Variants in RCAN2 observed in about 807,000 individuals in gnomAD.
RCAN2 encodes the protein regulator of calcineurin 2.
In RCAN2, 9 loss-of-function variants were observed where a neutral mutation model predicts 23.6. The observed-to-expected ratio is 0.38, with a 90% CI of 0.23 to 0.67. The LOEUF (loss-of-function observed/expected upper bound fraction) is 0.67, where lower values mean the gene tolerates loss of function less well. RCAN2 is among the 30% of genes least tolerant of loss of function. The pLI is 0.51. For missense variants in RCAN2, 273 were observed against 302.3 expected (o/e 0.90, Z 0.72); for synonymous variants, 109 against 115.7 (o/e 0.94, Z 0.37).
intron 2 of RCAN2, among the ~76,000 whole-genome samples, chr6:46,334,942 T>G (rs745812405): frequency 6.6e-6 from 1 of 150,404 alleles, no homozygotes; most frequent in Non-Finnish European, 1.5e-5. Flanking sequence ...GGCAGTACCA[T>G]GTTTAAGAAG....
chr6:46,256,151 C>T (rs1289343026), intron 2 of RCAN2, among the ~76,000 whole-genome samples: 2 of 152,006 alleles, frequency 1.3e-5, no homozygotes, highest in African/African-American at 4.8e-5. Context: ...AGGAGGATCG[C>T]CTGGGGTCAG....
intron 2 of RCAN2, among the ~76,000 whole-genome samples, chr6:46,349,474 C>A (rs995282744): frequency 9.9e-5 from 15 of 151,904 alleles, no homozygotes; most frequent in African/African-American, 3.6e-4. Flanking sequence ...GGGTTTGAAA[C>A]CTAAATGACA....
chr6:46,306,752 T>C (rs1231285710), intron 2 of RCAN2, among the ~76,000 whole-genome samples: 2 of 152,152 alleles, frequency 1.3e-5, no homozygotes, highest in African/African-American at 2.4e-5. Flanking sequence ...CTTAAGTCTT[T>C]GCTCAAATGC....
intron 2 of RCAN2, among the ~76,000 whole-genome samples, chr6:46,369,153 CAAT>C (rs1050255000): frequency 2.6e-5 from 4 of 152,080 alleles, no homozygotes; most frequent in African/African-American, 9.7e-5. Flanking sequence ...TCAGAATCAT[CAAT>C]ATCACTGTCT....
intron 4 of RCAN2, among the ~76,000 whole-genome samples, chr6:46,226,091 G>T (rs941169330): frequency 6.6e-6 from 1 of 152,114 alleles, no homozygotes; most frequent in Admixed American, 6.5e-5. Context: ...GGATCAGATG[G>T]TTGTAGATAT....
intron 2 of RCAN2, among the ~76,000 whole-genome samples, chr6:46,251,577 G>A (rs531253570): frequency 1.3e-5 from 2 of 152,212 alleles, no homozygotes; most frequent in Non-Finnish European, 1.5e-5. Flanking sequence ...GCTTTTGAAA[G>A]CGAGGTGCTT....
intron 4 of RCAN2, among the ~76,000 whole-genome samples, chr6:46,231,339 C>T (rs564066250): frequency 6.6e-6 from 1 of 152,058 alleles, no homozygotes; most frequent in South Asian, 2.1e-4. Context: ...CTGTGTACAC[C>T]TTGACTTGAA....
intron 2 of RCAN2, among the ~76,000 whole-genome samples, chr6:46,385,387 A>C (rs746595278): frequency 2.0e-5 from 3 of 152,222 alleles, no homozygotes; most frequent in Non-Finnish European, 4.4e-5. Context: ...TTCAGGCTAG[A>C]AGGGGCAGAG....
At position 46,371,879 on chromosome 6, in the gene RCAN2, A is replaced by T. The variant is rs968637949; in HGVS notation, c.225+84873T>A. 2.0e-5 allele frequency among the ~76,000 whole-genome samples: 3 copies of T among 152,312 alleles called. No homozygotes were observed. In the South Asian group the frequency reaches 6.2e-4, roughly 32 times the overall value. On this transcript the variant is annotated intron_variant, in intron 2 of 4. Coordinates refer to ENST00000371374, the MANE Select transcript of RCAN2 (RefSeq NM_001251974.2). ...GTTTAAAGTTGTTCCTCTTTTTATA[A>T]CCACAGTTCTTGTACAAATAACATT...
chr6:46,241,790 T>C (rs1766315926), intron 4 of RCAN2, among the ~76,000 whole-genome samples: 1 of 152,216 alleles, frequency 6.6e-6, no homozygotes, highest in Non-Finnish European at 1.5e-5. Context: ...CCCAGCTGTA[T>C]AATTGAGGAC....
intron 1 of RCAN2, among the ~76,000 whole-genome samples, 177 bp downstream of exon 1, chr6:46,490,996 C>T (rs1274916174): frequency 7.6e-6 from 1 of 131,732 alleles, no homozygotes; most frequent in Non-Finnish European, 1.8e-5. Flanking sequence ...CCCACCCCCG[C>T]CACTGCCCCC....
chr6:46,290,219 G>A (rs1330554587), intron 2 of RCAN2, among the ~76,000 whole-genome samples: 1 of 152,076 alleles, frequency 6.6e-6, no homozygotes, highest in African/African-American at 2.4e-5. Flanking sequence ...CCCAATACAG[G>A]ATTTTATCCA....
chr6:46,240,764 T>C (rs1161995285), intron 4 of RCAN2, among the ~76,000 whole-genome samples: 6 of 152,222 alleles, frequency 3.9e-5, no homozygotes, highest in Non-Finnish European at 8.8e-5. Flanking sequence ...GTTTCTTTAG[T>C]ATAGGTTACA....
chr6:46,400,024 TG>T (rs949961426), intron 2 of RCAN2, among the ~76,000 whole-genome samples: 4 of 152,128 alleles, frequency 2.6e-5, no homozygotes, highest in Non-Finnish European at 5.9e-5. Context: ...CATAAGACCA[TG>T]GAAAACCAGA....
intron 2 of RCAN2, among the ~76,000 whole-genome samples, chr6:46,377,572 T>C (rs1765512075): frequency 6.6e-6 from 1 of 152,216 alleles, no homozygotes; most frequent in South Asian, 2.1e-4. Flanking sequence ...TGGCAGACAC[T>C]GGCTAACAGA....
chr6:46,238,414 GGT>G (rs1766183585), intron 4 of RCAN2, among the ~76,000 whole-genome samples: 2 of 152,086 alleles, frequency 1.3e-5, no homozygotes, highest in African/African-American at 4.8e-5. Context: ...TTTGTCATAT[GGT>G]GTGGGTGGAT....
chr6:46,416,784 A>G (rs1013422354), intron 2 of RCAN2, among the ~76,000 whole-genome samples: 1 of 152,126 alleles, frequency 6.6e-6, no homozygotes, highest in African/African-American at 2.4e-5. Context: ...GGCCTCCCAA[A>G]GGGCTGGGAT....
chr6:46,435,152 T>G (rs1767331910), intron 2 of RCAN2, among the ~76,000 whole-genome samples: 1 of 152,234 alleles, frequency 6.6e-6, no homozygotes, highest in South Asian at 2.1e-4. Flanking sequence ...AAGAGATTTT[T>G]AAAAGGTTAC....
At chr6:46,296,099 G>C (rs1178402367) in intron 2 of RCAN2, among the ~76,000 whole-genome samples, 3 of 150,102 alleles carry the variant, frequency 2.0e-5, no homozygotes, top group Non-Finnish European at 4.4e-5. Context: ...GTGTGTGTGT[G>C]TGTGTCTGTG....
Sources: allele counts gnomAD v4.1 joint callset (sites outside exome capture counted in the v4.1 genomes callset), GRCh38; gene constraint gnomAD v4.1.1; transcripts MANE v1.5; gene names NCBI Gene and HGNC (gene_info 2026-07-23, HGNC 2026-07-21).